The following STAU2 variants were observed in gnomAD, a reference collection of about 807,000 sequenced individuals.
The protein encoded by STAU2 is staufen double-stranded RNA binding protein 2, also known as double-stranded RNA-binding protein Staufen homolog 2.
Under a neutral mutation model 65.9 loss-of-function variants are expected in STAU2, and 20 were observed. The observed-to-expected ratio is 0.30, with a 90% CI of 0.21 to 0.44. STAU2 has a LOEUF of 0.44. Among genes scored for constraint, STAU2 ranks in the 20% least tolerant of loss-of-function variants. STAU2 has a pLI of 1.00. For missense variants in STAU2, 558 were observed against 683.9 expected, an observed-to-expected ratio of 0.82 and a Z score of 2.05; for synonymous variants, 232 against 233.9, an observed-to-expected ratio of 0.99 and a Z score of 0.07.
At chr8:73,511,317 A>G (rs1314395048) in intron 13 of STAU2, 1 of 152,916 alleles carries the variant, frequency 6.5e-6, no homozygotes, top group Admixed American at 6.6e-5. Context: ...CCTCCTCCTC[A>G]TCTTCTTCTT....
intron 13 of STAU2, among the ~76,000 whole-genome samples, chr8:73,447,941 A>G (rs1293041746): frequency 1.3e-5 from 2 of 152,320 alleles, no homozygotes; most frequent in East Asian, 3.9e-4. Context: ...GGACATTCCC[A>G]TGAGTGCACA....
At chr8:73,611,107 A>G (rs933236351) in intron 9 of STAU2, among the ~76,000 whole-genome samples, 1 of 152,222 alleles carries the variant, frequency 6.6e-6, no homozygotes, top group African/African-American at 2.4e-5. Flanking sequence ...GAGTGTAACA[A>G]ACTATAGACC....
At chr8:73,673,847 C>G (rs1817853578) in intron 5 of STAU2, among the ~76,000 whole-genome samples, 1 of 151,704 alleles carries the variant, frequency 6.6e-6, no homozygotes, top group African/African-American at 2.4e-5. Context: ...AGACTGAAAA[C>G]AACCTAAACA....
rs113557390 is a variant in STAU2, at chr8:73,516,100, A to AT, written c.1530+35911dup. Among the ~76,000 whole-genome samples the AT allele has an allele frequency of 7.5e-3, 1,121 of 148,800 alleles. 10 individuals carry two copies. The highest frequency in any genetic ancestry group is 0.026 in the African/African-American group (1,038 of 40,632). On this transcript the variant is annotated intron_variant, in intron 13 of 14. Transcript: ENST00000524300. ...AGGCACACACCACCATGCCCAACTA[A>AT]TTTTTTTTTTGGTATTTTCTGTAGA... is the stretch of plus-strand genomic sequence containing the variant.
At chr8:73,507,771 GTAACTA>G (rs1323963657) in intron 13 of STAU2, among the ~76,000 whole-genome samples, 1 of 152,190 alleles carries the variant, frequency 6.6e-6, no homozygotes, top group Non-Finnish European at 1.5e-5. Context: ...CCTGTTTAGT[GTAACTA>G]CAGTCTTCAA....
At chr8:73,564,441 C>T (rs902266232) in intron 12 of STAU2, among the ~76,000 whole-genome samples, 1 of 151,944 alleles carries the variant, frequency 6.6e-6, no homozygotes, top group Non-Finnish European at 1.5e-5. Flanking sequence ...CATTATGAGA[C>T]CACATGAACA....
chr8:73,555,269 C>G (rs4342585), intron 12 of STAU2, among the ~76,000 whole-genome samples: 6,219 of 152,152 alleles, frequency 0.041, 405 homozygotes, highest in African/African-American at 0.14. Flanking sequence ...CCAGCAGGAG[C>G]AAGGGCAGGG....
chr8:73,439,230 G>C (rs1334432583), intron 13 of STAU2: 2 of 352,774 alleles, frequency 5.7e-6, no homozygotes, highest in African/African-American at 4.3e-5. Context: ...GAGCTGGCAG[G>C]AGCTGCTCCA....
intron 12 of STAU2, among the ~76,000 whole-genome samples, chr8:73,582,187 T>C (rs1235951199): frequency 6.6e-6 from 1 of 152,164 alleles, no homozygotes; most frequent in African/African-American, 2.4e-5. Context: ...ATACTGTAAG[T>C]GGAACAAAGC....
intron 13 of STAU2, among the ~76,000 whole-genome samples, chr8:73,519,014 A>C (rs1448823341): frequency 6.6e-6 from 1 of 152,244 alleles, no homozygotes; most frequent in Non-Finnish European, 1.5e-5. Flanking sequence ...TATCTGTCTT[A>C]GCACTCTAAT....
chr8:73,497,267 A>G (rs1821470149), intron 13 of STAU2, among the ~76,000 whole-genome samples: 1 of 151,726 alleles, frequency 6.6e-6, no homozygotes, highest in Non-Finnish European at 1.5e-5. Context: ...CTGAAGCTTT[A>G]GATCTTTATG....
rs5892420 is a variant in STAU2 at position 73,479,472 on chromosome 8, G to GCACACACACACACACACACA, written c.1531-56790_1531-56771dup. Among the ~76,000 whole-genome samples the GCACACACACACACACACACA allele has an allele frequency of 3.6e-3, 499 of 139,926 alleles. 3 individuals carry two copies. The highest frequency in any genetic ancestry group is 0.011 in the Middle Eastern group (3 of 284). The allele number at this position is 139,926 out of a possible 152,430, so 91.8% of individuals were successfully genotyped here. A position where few individuals can be genotyped will look rare whatever the true frequency, so the allele number is the denominator to read the frequency against. Reference sequence around the variant, plus strand: ...TCTCTTCCTGCTTTCTCCCTATTCTGCACACACACACACACACACACACAC... The same window carrying GCACACACACACACACACACA: ...TCTCTTCCTGCTTTCTCCCTATTCTGCACACACACACACACACACACACACACACACACACACACACACAC... On this transcript the variant is annotated intron_variant, in intron 13 of 14. Transcript: ENST00000524300.
chr8:73,431,026 G>C (rs892246165), intron 13 of STAU2, among the ~76,000 whole-genome samples: 4 of 152,168 alleles, frequency 2.6e-5, no homozygotes, highest in Admixed American at 2.0e-4. Flanking sequence ...TTGCTGTGTA[G>C]TAAGTGTAAA....
At chr8:73,746,929 C>CCGCGCCCTCCCGCGCT, upstream of STAU2, 10 of 925,072 alleles carry the variant, frequency 1.1e-5, no homozygotes, top group Non-Finnish European at 1.3e-5. Flanking sequence ...GGCGCTCCCG[C>CCGCGCCCTCCCGCGCT]CGCGCCCTCC....
intron 6 of STAU2, chr8:73,668,878 T>C: frequency 1.9e-6 from 1 of 535,328 alleles, no homozygotes; most frequent in Non-Finnish European, 3.3e-6. Context: ...AGAAACATCA[T>C]CAGTAGAGGG....
At chr8:73,519,735 T>C (rs1162197425) in intron 13 of STAU2, among the ~76,000 whole-genome samples, 1 of 152,196 alleles carries the variant, frequency 6.6e-6, no homozygotes, top group Non-Finnish European at 1.5e-5. Flanking sequence ...AGAAATTCAA[T>C]TTAATTCCAT....
rs936555777 is a variant in STAU2, at chr8:73,654,977, G to A, written c.410+18130C>T. ...TGGGATTACAGGCGTGAGCCACCGCGCCCGGCCCAAACCATTTCTTAAACC... is the reference window on the plus strand; with the variant it reads ...TGGGATTACAGGCGTGAGCCACCGCACCCGGCCCAAACCATTTCTTAAACC... On this transcript the variant is annotated intron_variant, in intron 6 of 14. Coordinates refer to ENST00000524300, the MANE Select transcript of STAU2 (RefSeq NM_001164380.2). Among the ~76,000 whole-genome samples the A allele has an allele frequency of 2.6e-5, 4 of 152,228 alleles. No homozygotes were observed. In the South Asian group the frequency reaches 6.2e-4, roughly 24 times the overall value.
intron 6 of STAU2, among the ~76,000 whole-genome samples, chr8:73,645,153 A>C (rs1250298207): frequency 6.6e-6 from 1 of 152,198 alleles, no homozygotes; most frequent in Non-Finnish European, 1.5e-5. Context: ...GGGGAACTAC[A>C]GACAAATATC....
At chr8:73,467,292 G>A (rs905492891) in intron 13 of STAU2, among the ~76,000 whole-genome samples, 1 of 152,152 alleles carries the variant, frequency 6.6e-6, no homozygotes, top group African/African-American at 2.4e-5. Flanking sequence ...CAGCACTTTG[G>A]GAGGCCAAGG....
Sources: allele counts gnomAD v4.1 joint callset (sites outside exome capture counted in the v4.1 genomes callset), GRCh38; gene constraint gnomAD v4.1.1; transcripts MANE v1.5; gene names NCBI Gene and HGNC (gene_info 2026-07-23, HGNC 2026-07-21).